KCNMB2: variants seen among roughly 807,000 people sequenced by gnomAD.
The protein encoded by KCNMB2 is calcium-activated potassium channel subunit beta-2.
KCNMB2 carries 9 observed loss-of-function variants against 24.5 expected under a neutral mutation model. The observed-to-expected ratio is 0.37, with a 90% CI of 0.22 to 0.64. KCNMB2 has a LOEUF of 0.64. Among genes scored for constraint, KCNMB2 ranks in the 30% least tolerant of loss-of-function variants. The pLI is 0.63. For missense variants in KCNMB2, 226 were observed against 284.3 expected (o/e 0.79, Z 1.47); for synonymous variants, 109 against 104.4 (o/e 1.04, Z -0.27).
intron 1 of KCNMB2, among the ~76,000 whole-genome samples, chr3:178,587,737 ATCT>A (rs1198437376): frequency 1.6e-5 from 2 of 127,902 alleles, no homozygotes; most frequent in East Asian, 4.4e-4. Flanking sequence ...TGAGCCAGTA[ATCT>A]TTTTTTTTTT....
intron 1 of KCNMB2, among the ~76,000 whole-genome samples, chr3:178,775,515 G>C (rs1712544758): frequency 6.6e-6 from 1 of 151,932 alleles, no homozygotes; most frequent in South Asian, 2.1e-4. Context: ...TAAACTTCCT[G>C]GATTTTCACG....
intron 1 of KCNMB2, among the ~76,000 whole-genome samples, chr3:178,793,392 G>A (rs1713400470): frequency 6.6e-6 from 1 of 152,144 alleles, no homozygotes; most frequent in Non-Finnish European, 1.5e-5. Context: ...ACATGGCAGA[G>A]AAATAAGCTA....
chr3:178,545,596 G>T (rs1042953416), intron 1 of KCNMB2, among the ~76,000 whole-genome samples: 7 of 152,176 alleles, frequency 4.6e-5, no homozygotes, highest in Admixed American at 1.3e-4. Flanking sequence ...AGAAGCAGTT[G>T]GTAAATCTTG....
chr3:178,815,586 T>C (rs1397866972), intron 2 of KCNMB2, among the ~76,000 whole-genome samples: 1 of 152,190 alleles, frequency 6.6e-6, no homozygotes, highest in Admixed American at 6.5e-5. Context: ...CAGGTAATAA[T>C]GGACATCTTT....
intron 1 of KCNMB2, among the ~76,000 whole-genome samples, chr3:178,722,739 A>C (rs1001569095): frequency 6.6e-6 from 1 of 152,104 alleles, no homozygotes; most frequent in South Asian, 2.1e-4. Context: ...CAAAAAATAC[A>C]AAAATTATCT....
intron 1 of KCNMB2, among the ~76,000 whole-genome samples, chr3:178,781,070 CTTTTT>C (rs1560018861): frequency 6.6e-6 from 1 of 151,804 alleles, no homozygotes; most frequent in African/African-American, 2.4e-5. Flanking sequence ...ACCATTAATT[CTTTTT>C]ATTTTTATTA....
At chr3:178,643,158 A>C (rs1719786471) in intron 1 of KCNMB2, among the ~76,000 whole-genome samples, 1 of 152,220 alleles carries the variant, frequency 6.6e-6, no homozygotes. Flanking sequence ...CCAATCTCAA[A>C]GGATTGATTC....
chr3:178,731,458 G>A (rs1434286000), intron 1 of KCNMB2, among the ~76,000 whole-genome samples: 2 of 152,162 alleles, frequency 1.3e-5, no homozygotes, highest in Non-Finnish European at 2.9e-5. Flanking sequence ...TCCCCCGTGG[G>A]AAGAAACATA....
intron 1 of KCNMB2, among the ~76,000 whole-genome samples, chr3:178,792,112 T>C (rs1443030001): frequency 6.6e-6 from 1 of 152,206 alleles, no homozygotes; most frequent in Admixed American, 6.5e-5. Context: ...ATTGTAATTG[T>C]GGTATATAAA....
chr3:178,690,196 AC>A (rs1264545760), intron 1 of KCNMB2, among the ~76,000 whole-genome samples: 1 of 152,224 alleles, frequency 6.6e-6, no homozygotes, highest in African/African-American at 2.4e-5. Flanking sequence ...ATGTATCAGA[AC>A]TTTGGCAGAT....
chr3:178,664,910 G>T (rs1720666341), intron 1 of KCNMB2, among the ~76,000 whole-genome samples: 1 of 152,042 alleles, frequency 6.6e-6, no homozygotes, highest in Non-Finnish European at 1.5e-5. Context: ...CTATACAAAA[G>T]AACAAAGGAA....
Position 178,842,843 on chromosome 3 carries a change from G to A in KCNMB2, c.614G>A (p.Cys205Tyr). The A allele has an allele frequency of 6.2e-7, 1 of 1,613,770 alleles. No homozygotes were observed. Among genetic ancestry groups the A allele is most frequent in the Non-Finnish European group, 8.5e-7 (1 of 1,179,676 alleles). Reference sequence around the variant, plus strand: ...TTCCATTCACTCTTCTGGCCAACCTGTATGATGGCTGGGGGTGTGGCAATT... The same window carrying A: ...TTCCATTCACTCTTCTGGCCAACCTATATGATGGCTGGGGGTGTGGCAATT... ...VLFHSLFWPTCMMAGGVAIVA... is the reference protein window; with the variant it reads ...VLFHSLFWPTYMMAGGVAIVA... Residue 205 changes from cysteine to tyrosine, a missense_variant, in exon 5 of 5, where the codon TGT (cysteine) becomes TAT (tyrosine). Cys to Tyr is a radical substitution (Grantham distance 194, BLOSUM62 -2). Coordinates refer to ENST00000452583, the MANE Select transcript of KCNMB2 (RefSeq NM_181361.3).
chr3:178,616,495 C>A (rs1437650197), intron 1 of KCNMB2, among the ~76,000 whole-genome samples: 7 of 152,202 alleles, frequency 4.6e-5, no homozygotes. Flanking sequence ...TTCTCCCTCC[C>A]CCAGCATCCA....
chr3:178,592,300 A>T (rs1298280566), intron 1 of KCNMB2, among the ~76,000 whole-genome samples: 1 of 152,114 alleles, frequency 6.6e-6, no homozygotes, highest in East Asian at 1.9e-4. Context: ...AGACTATGGG[A>T]ATGTAAGAGT....
chr3:178,832,345 C>CA (rs1278749569), intron 4 of KCNMB2, among the ~76,000 whole-genome samples: 19 of 83,320 alleles, frequency 2.3e-4, no homozygotes, highest in South Asian at 6.1e-4. Context: ...TAATCTTGGC[C>CA]TATTTTAAAG....
At chr3:178,582,914 T>C (rs147358621) in intron 1 of KCNMB2, among the ~76,000 whole-genome samples, 8 of 152,310 alleles carry the variant, frequency 5.3e-5, no homozygotes, top group Non-Finnish European at 8.8e-5. Context: ...GAGCAAATTA[T>C]TTAACTTTTC....
chr3:178,718,052 TA>T (rs1171943634), intron 1 of KCNMB2, among the ~76,000 whole-genome samples: 2 of 152,200 alleles, frequency 1.3e-5, no homozygotes, highest in African/African-American at 4.8e-5. Context: ...CTTTTGTAAA[TA>T]GAGTTTACTT....
At chr3:178,686,779 A>AAAT (rs1231178597) in intron 1 of KCNMB2, among the ~76,000 whole-genome samples, 5 of 152,308 alleles carry the variant, frequency 3.3e-5, no homozygotes, top group Middle Eastern at 3.4e-3. Flanking sequence ...TCAAAGAGGA[A>AAAT]AATGTAGTTA....
At chr3:178,618,523 C>A (rs1293442287) in intron 1 of KCNMB2, among the ~76,000 whole-genome samples, 2 of 152,170 alleles carry the variant, frequency 1.3e-5, no homozygotes, top group Non-Finnish European at 2.9e-5. Context: ...GGAGTTCTGA[C>A]ACTTTCTTTC....
Sources: gnomAD v4.1 joint callset for allele counts (sites outside exome capture counted in the v4.1 genomes callset) on GRCh38, gnomAD v4.1.1 for gene constraint, MANE v1.5 for transcripts, NCBI Gene and HGNC (gene_info 2026-07-23, HGNC 2026-07-21) for gene names.